The following TACC2 variants were observed in gnomAD, a reference collection of about 807,000 sequenced individuals.
TACC2 encodes transforming acidic coiled-coil-containing protein 2.
A neutral mutation model predicts 227.3 loss-of-function variants in TACC2; 137 were observed. That is an observed-to-expected ratio of 0.60 (90% CI 0.52 to 0.69). TACC2 has a LOEUF of 0.69. Among genes scored for constraint, TACC2 ranks in the 30% least tolerant of loss-of-function variants. The probability of loss-of-function intolerance (pLI) is 0.00; values close to 1 mark genes in which losing one functional copy is unlikely to be tolerated. For synonymous variants in TACC2, 1,523 were observed against 1,487.5 expected, an observed-to-expected ratio of 1.02 and a Z score of -0.55; for missense variants, 3,470 against 3,694.4, an observed-to-expected ratio of 0.94 and a Z score of 1.57.
chr10:122,125,369 G>GTA (rs757453222), intron 5 of TACC2, among the ~76,000 whole-genome samples: 1 of 81,026 alleles, frequency 1.2e-5, no homozygotes. Flanking sequence ...ATAATTTCTT[G>GTA]TATTTTTTTT....
chr10:122,131,630 A>G (rs2088124591), intron 5 of TACC2, among the ~76,000 whole-genome samples: 1 of 152,248 alleles, frequency 6.6e-6, no homozygotes, highest in Admixed American at 6.5e-5. Context: ...GTTCTGGACC[A>G]CATAGTCCTT....
intron 1 of TACC2, among the ~76,000 whole-genome samples, chr10:121,996,111 C>G (rs1417366334): frequency 2.0e-5 from 3 of 152,112 alleles, no homozygotes; most frequent in Non-Finnish European, 4.4e-5. Context: ...GTTGCCCAAG[C>G]TGGAGTGCAG....
Position 122,137,746 on chromosome 10 carries a change from G to C in TACC2, c.5699+5012G>C, listed in dbSNP as rs1181965993. ...GCCCTCTTCCCAGAGTCTGATTGAG[G>C]GGGGTGTTGGGAGGGGCCCACACCT... On this transcript the variant is annotated intron_variant, in intron 6 of 22. Transcript: ENST00000369005. 4.6e-5 allele frequency among the ~76,000 whole-genome samples: 7 copies of C among 152,306 alleles called. No individual in the cohort carries two copies. The South Asian group carries it at 1.5e-3, about 32-fold the overall frequency.
chr10:122,146,751 G>T (rs1039727037), intron 7 of TACC2, among the ~76,000 whole-genome samples: 1 of 152,148 alleles, frequency 6.6e-6, no homozygotes, highest in African/African-American at 2.4e-5. Context: ...AACAGAAAAT[G>T]AACTAATACA....
intron 7 of TACC2, among the ~76,000 whole-genome samples, chr10:122,176,107 CTCTCTCTCTCTATATATATATATATATA>C (rs1166248907): frequency 9.9e-5 from 7 of 70,522 alleles, no homozygotes; most frequent in African/African-American, 4.6e-4. Context: ...CTCTCTCTCT[CTCTCTCTCTCTATATATATATATATATA>C]TATATATATA....
At chr10:122,129,054 TA>T in intron 5 of TACC2, among the ~76,000 whole-genome samples, 1 of 96,096 alleles carries the variant, frequency 1.0e-5, no homozygotes, top group South Asian at 4.8e-4. Context: ...AGATCTATCT[TA>T]TTTTAATTAT....
intron 5 of TACC2, among the ~76,000 whole-genome samples, chr10:122,128,138 G>A (rs1413769854): frequency 6.6e-6 from 1 of 152,146 alleles, no homozygotes; most frequent in Non-Finnish European, 1.5e-5. Flanking sequence ...AGTTCTCGGT[G>A]ATCAAGTAGT....
At chr10:122,142,369 G>A (rs988414007) in intron 6 of TACC2, among the ~76,000 whole-genome samples, 5 of 152,208 alleles carry the variant, frequency 3.3e-5, no homozygotes, top group African/African-American at 1.2e-4. Context: ...CTGTCCTCGT[G>A]GAGCTCTGAG....
At chr10:122,035,935 C>A (rs148223678) in intron 2 of TACC2, among the ~76,000 whole-genome samples, 1 of 152,150 alleles carries the variant, frequency 6.6e-6, no homozygotes, top group South Asian at 2.1e-4. Flanking sequence ...TCCTCAGCCT[C>A]CCTAGTAGCT....
intron 7 of TACC2, among the ~76,000 whole-genome samples, chr10:122,144,713 G>C (rs966076112): frequency 6.6e-6 from 1 of 152,160 alleles, no homozygotes; most frequent in African/African-American, 2.4e-5. Flanking sequence ...ACAGTAGGGT[G>C]GGCCCAGAGC....
intron 7 of TACC2, among the ~76,000 whole-genome samples, chr10:122,147,442 G>A (rs1439894853): frequency 2.6e-5 from 4 of 152,114 alleles, no homozygotes; most frequent in East Asian, 3.9e-4. Context: ...ACTGCGCCCC[G>A]CCAAGTTCCT....
At chr10:122,198,676 G>A (rs1369719130) in intron 8 of TACC2, among the ~76,000 whole-genome samples, 2 of 152,228 alleles carry the variant, frequency 1.3e-5, no homozygotes, top group South Asian at 2.1e-4. Context: ...GCGATAAGGG[G>A]ACTCTGGTGT....
intron 5 of TACC2, among the ~76,000 whole-genome samples, chr10:122,094,785 G>A (rs1357438976): frequency 2.0e-5 from 3 of 152,120 alleles, no homozygotes; most frequent in Non-Finnish European, 4.4e-5. Context: ...TGGAAGAGCC[G>A]CTCACTGCCA....
rs140254775 is a variant in TACC2, at chr10:122,085,881, C to T, written c.3381C>T (p.Ala1127=). 5.4e-5 allele frequency: 87 copies of T among 1,613,136 alleles called. No homozygotes were observed. The highest frequency in any genetic ancestry group is 1.1e-4 in the East Asian group (5 of 44,878). The change falls in exon 4 of 23, where the codon GCC becomes GCT. Residue 1127 remains alanine (A), a synonymous_variant. Coordinates refer to ENST00000369005, the MANE Select transcript of TACC2 (RefSeq NM_206862.4). ...CAGCTGGGGAGCAAGGTGGTGAAGC[C>T]GGGGCTGCTGAGACTGGTGGCAGCG... ...FPSAGEQGGE[A]GAAETGGSAG...
rs932790809 is a variant in TACC2 at position 122,086,283 on chromosome 10, C to T, written c.3783C>T (p.Pro1261=). ...TGAAAGCTGTTTCCTCTGCAGACCC[C>T]AGAGCTCCTGGCGAAAGCCCCTGTC... is the stretch of plus-strand genomic sequence containing the variant. ...SGVKAVSSAD[P]RAPGESPCPV... Residue 1261 remains proline, a synonymous_variant, in exon 4 of 23, where the codon CCC becomes CCT. Transcript: ENST00000369005. 9.9e-6 allele frequency: 16 copies of T among 1,613,900 alleles called. No individual in the cohort carries two copies. The highest frequency in any genetic ancestry group is 2.7e-5 in the African/African-American group (2 of 74,936).
intron 6 of TACC2, among the ~76,000 whole-genome samples, chr10:122,136,782 G>C (rs928818286): frequency 3.3e-5 from 5 of 152,012 alleles, no homozygotes; most frequent in Non-Finnish European, 7.4e-5. Context: ...TCAAACTCCT[G>C]ACCTCAGGTG....
chr10:122,008,019 C>T (rs12570818), intron 1 of TACC2, among the ~76,000 whole-genome samples: 10,120 of 152,188 alleles, frequency 0.066, 594 homozygotes, highest in East Asian at 0.29. Flanking sequence ...AAGCCCTCAC[C>T]GCGTGTGGCT....
intron 7 of TACC2, among the ~76,000 whole-genome samples, chr10:122,188,699 T>C (rs1419250598): frequency 1.3e-5 from 2 of 152,226 alleles, no homozygotes; most frequent in Non-Finnish European, 2.9e-5. Flanking sequence ...CTCTTTCCAC[T>C]TGGTCATGCT....
Position 122,211,459 on chromosome 10 carries a change from C to G in TACC2, c.7034C>G (p.Pro2345Arg), listed in dbSNP as rs905990877. 18 of 1,614,062 alleles carry G rather than the reference C, an allele frequency of 1.1e-5. No individual in the cohort carries two copies. Among genetic ancestry groups the G allele is most frequent in the Non-Finnish European group, 1.4e-5 (17 of 1,180,016 alleles). The change falls in exon 9 of 23, where the codon CCC (proline) becomes CGC (arginine). Residue 2345 changes from proline to arginine, a missense_variant. Physicochemically the swap from Pro to Arg is moderately radical, Grantham distance 103. Around this residue, in one of 10 missense-constraint regions of TACC2, gnomAD observed 593 missense variants for 636.6 expected, o/e 0.93. Coordinates refer to ENST00000369005, the MANE Select transcript of TACC2 (RefSeq NM_206862.4). ...TTTGATATTGACAAGTGGGATGACC[C>G]CAATTTTAACCCTTTTTCTTCCACC... ...YTFDIDKWDD[P>R]NFNPFSSTSK...
Sources: gnomAD v4.1 joint callset for allele counts (sites outside exome capture counted in the v4.1 genomes callset) on GRCh38, gnomAD v4.1.1 for gene constraint, gnomAD v4.1.1 regional missense constraint, MANE v1.5 for transcripts, NCBI Gene and HGNC (gene_info 2026-07-23, HGNC 2026-07-21) for gene names.